Variants in MAN2A1 observed in about 807,000 individuals in gnomAD.
MAN2A1 encodes the protein alpha-mannosidase 2.
MAN2A1 carries 76 observed loss-of-function variants against 142.6 expected under a neutral mutation model. The observed-to-expected ratio is 0.53, with a 90% CI of 0.44 to 0.65. The LOEUF (loss-of-function observed/expected upper bound fraction) is 0.65, where lower values mean the gene tolerates loss of function less well. MAN2A1 is among the 30% of genes least tolerant of loss of function. The pLI is 0.00. For missense variants in MAN2A1, 1,311 were observed against 1,365.1 expected (o/e 0.96, Z 0.62); for synonymous variants, 559 against 473.2 (o/e 1.18, Z -2.35).
chr5:109,796,269 G>C (rs1337888521), intron 12 of MAN2A1, among the ~76,000 whole-genome samples: 3 of 152,012 alleles, frequency 2.0e-5, no homozygotes. Flanking sequence ...CCTAAGCTTG[G>C]AACCACAGAA....
chr5:109,690,302 C>A lies in MAN2A1; in HGVS notation c.-116C>A. On this transcript the variant is annotated 5_prime_UTR_variant, in exon 1 of 22. Transcript: ENST00000261483. The stretch of plus-strand genomic sequence containing the variant: ...GGGGACTCGCACCCGCATCCGAGAG[C>A]GCGGAGGTCGCGCAGCCCGGGAGAA... 2 of 1,077,318 alleles carry A rather than the reference C, an allele frequency of 1.9e-6. No homozygotes were observed. Among genetic ancestry groups the A allele is most frequent in the Non-Finnish European group, 2.8e-6 (2 of 713,258 alleles). The allele number at this position is 1,077,318 out of a possible 1,614,324, so 66.7% of individuals were successfully genotyped here.
chr5:109,807,220 C>T (rs1260133541), intron 12 of MAN2A1, among the ~76,000 whole-genome samples: 3 of 152,108 alleles, frequency 2.0e-5, no homozygotes, highest in African/African-American at 4.8e-5. Flanking sequence ...TTGCTTGTTA[C>T]TCTTTGCCCA....
chr5:109,793,171 G>A (rs898023942), intron 12 of MAN2A1, among the ~76,000 whole-genome samples: 3 of 152,044 alleles, frequency 2.0e-5, no homozygotes, highest in African/African-American at 7.2e-5. Flanking sequence ...CATGTACGGA[G>A]TAACCTCACC....
chr5:109,735,619 C>A (rs1752068898), intron 4 of MAN2A1, among the ~76,000 whole-genome samples: 1 of 152,122 alleles, frequency 6.6e-6, no homozygotes, highest in Non-Finnish European at 1.5e-5. Flanking sequence ...CACCCATCTT[C>A]TGTGTTGCTC....
In MAN2A1 at chr5:109,866,446, C is replaced by G. The variant is rs887520211; in HGVS notation, c.3283-400C>G. Among the ~76,000 whole-genome samples the G allele has an allele frequency of 2.0e-5, 3 of 152,170 alleles. No individual in the cohort carries two copies. In the South Asian group the frequency reaches 6.2e-4, roughly 32 times the overall value. ...TACCATTGTTAGGGGTAAGTATTGA[C>G]TAAAAGAGAATGAGGATGTTTTTAA... On this transcript the variant is annotated intron_variant, in intron 21 of 21. Coordinates refer to ENST00000261483, the MANE Select transcript of MAN2A1 (RefSeq NM_002372.4).
rs1268684230 is a variant in MAN2A1 at position 109,767,517 on chromosome 5, TATC to T, written c.836-14_836-12del. The T allele has an allele frequency of 2.5e-6, 4 of 1,594,974 alleles. No individual in the cohort carries two copies. The highest frequency in any genetic ancestry group is 3.6e-5 in the Admixed American group (2 of 56,282). ...TATATCAATTAAAAAAATTAACACT[TATC>T]ATCTTTATCCACAGGAGTGAAACCT... On this transcript the variant is annotated splice_polypyrimidine_tract_variant and intron_variant, in intron 5 of 21. Coordinates refer to ENST00000261483, the MANE Select transcript of MAN2A1 (RefSeq NM_002372.4).
chr5:109,790,686 A>T (rs1193378528), intron 12 of MAN2A1, among the ~76,000 whole-genome samples: 1 of 151,998 alleles, frequency 6.6e-6, no homozygotes, highest in East Asian at 1.9e-4. Flanking sequence ...GTTCCTAGTA[A>T]ACTCTGGCAT....
intron 3 of MAN2A1, among the ~76,000 whole-genome samples, chr5:109,717,070 T>G (rs1335771289): frequency 1.3e-5 from 2 of 152,054 alleles, no homozygotes; most frequent in Admixed American, 6.6e-5. Context: ...AGCATTTTTT[T>G]TTTTGTGGGG....
intron 4 of MAN2A1, among the ~76,000 whole-genome samples, chr5:109,738,737 A>G (rs561569788): frequency 5.9e-5 from 9 of 152,346 alleles, no homozygotes; most frequent in Middle Eastern, 3.4e-3. Flanking sequence ...TAAAACCCCA[A>G]TAAACATTAG....
intron 16 of MAN2A1, among the ~76,000 whole-genome samples, 179 bp downstream of exon 16, chr5:109,824,016 G>A (rs958235): frequency 0.69 from 104,374 of 152,112 alleles, 37,116 homozygotes; most frequent in East Asian, 0.91. Context: ...ATGGTAAAAC[G>A]TTTCAATCCC....
chr5:109,716,789 A>AC (rs1387635478), intron 3 of MAN2A1, among the ~76,000 whole-genome samples: 1 of 152,158 alleles, frequency 6.6e-6, no homozygotes, highest in Non-Finnish European at 1.5e-5. Flanking sequence ...TCCCTCTGAG[A>AC]CCAAGTTTTT....
At chr5:109,811,580 G>T (rs1444291575) in intron 12 of MAN2A1, among the ~76,000 whole-genome samples, 1 of 105,864 alleles carries the variant, frequency 9.4e-6, no homozygotes, top group Non-Finnish European at 2.1e-5. Flanking sequence ...AGCCGTGTGT[G>T]TGTGTGTGTG....
chr5:109,707,371 C>T (rs10041721), intron 1 of MAN2A1, among the ~76,000 whole-genome samples: 3 of 152,018 alleles, frequency 2.0e-5, no homozygotes, highest in Non-Finnish European at 4.4e-5. Context: ...ATGTTACATG[C>T]CATTTTTCTT....
intron 12 of MAN2A1, 71 bp from the exon 13 acceptor site, chr5:109,817,191 TATATGTATATC>T: frequency 1.7e-6 from 2 of 1,173,836 alleles, no homozygotes; most frequent in South Asian, 1.4e-5. Flanking sequence ...TATGTATATG[TATATGTATATC>T]TACATGTATA....
At chr5:109,848,087 T>C (rs1254452499) in intron 19 of MAN2A1, among the ~76,000 whole-genome samples, 1 of 152,180 alleles carries the variant, frequency 6.6e-6, no homozygotes, top group African/African-American at 2.4e-5. Context: ...AATTGAAAAA[T>C]TGAGCTAAAT....
chr5:109,717,063 A>G, intron 3 of MAN2A1, among the ~76,000 whole-genome samples: 1 of 145,944 alleles, frequency 6.9e-6, no homozygotes, highest in South Asian at 2.2e-4. Context: ...TAGTTGCAGC[A>G]TTTTTTTTTT....
chr5:109,786,168 A>G (rs966954993), intron 10 of MAN2A1, among the ~76,000 whole-genome samples: 7 of 152,076 alleles, frequency 4.6e-5, no homozygotes, highest in African/African-American at 1.7e-4. Flanking sequence ...ATCTGGGGTT[A>G]AAGTAGAAAA....
chr5:109,729,326 T>C lies in MAN2A1; in HGVS notation c.536-16T>C, dbSNP rs1751834040. 6.4e-7 allele frequency: 1 copy of C among 1,572,322 alleles called. No homozygotes were observed. Among genetic ancestry groups the C allele is most frequent in the African/African-American group, 1.4e-5 (1 of 73,308 alleles). ...TACGAATTAGACCTTTGTGGTATATTTGTGTCTTGATTTAGGTTGGTTGAA... is the reference window on the plus strand; with the variant it reads ...TACGAATTAGACCTTTGTGGTATATCTGTGTCTTGATTTAGGTTGGTTGAA... On this transcript the variant is annotated splice_polypyrimidine_tract_variant and intron_variant, in intron 3 of 21. Transcript: ENST00000261483.
At chr5:109,750,662 C>T (rs1373421162) in intron 4 of MAN2A1, among the ~76,000 whole-genome samples, 1 of 151,972 alleles carries the variant, frequency 6.6e-6, no homozygotes, top group South Asian at 2.1e-4. Flanking sequence ...CCTAGTCATG[C>T]AATTTTTCTG....
Sources: allele counts gnomAD v4.1 joint callset (sites outside exome capture counted in the v4.1 genomes callset), GRCh38; gene constraint gnomAD v4.1.1; transcripts MANE v1.5; gene names NCBI Gene and HGNC (gene_info 2026-07-23, HGNC 2026-07-21).